Variants in MCM9 observed in about 807,000 individuals in gnomAD.
MCM9 encodes the protein minichromosome maintenance 9 homologous recombination repair factor.
A neutral mutation model predicts 72.8 loss-of-function variants in MCM9; 55 were observed. The observed-to-expected ratio is 0.76, with a 90% CI of 0.61 to 0.95. The LOEUF (loss-of-function observed/expected upper bound fraction) is 0.95, where lower values mean the gene tolerates loss of function less well. Among genes scored for constraint, MCM9 ranks in the 40% least tolerant of loss-of-function variants. The pLI is 0.00. For synonymous variants in MCM9, 480 were observed against 503.4 expected (o/e 0.95, Z 0.62); for missense variants, 1,279 against 1,377.0 (o/e 0.93, Z 1.13).
chr6:118,884,351 A>G (rs1778469373), intron 8 of MCM9, among the ~76,000 whole-genome samples: 1 of 152,184 alleles, frequency 6.6e-6, no homozygotes, highest in South Asian at 2.1e-4. Flanking sequence ...CAGTGAAATA[A>G]AATAAGTCTA....
intron 3 of MCM9, among the ~76,000 whole-genome samples, chr6:118,926,426 A>G (rs754922630): frequency 2.6e-5 from 4 of 152,330 alleles, no homozygotes; most frequent in Middle Eastern, 3.4e-3. Context: ...AAAGTGACAA[A>G]CAGAATAATT....
chr6:118,904,032 T>G (rs1779995001), intron 8 of MCM9, among the ~76,000 whole-genome samples: 1 of 152,202 alleles, frequency 6.6e-6, no homozygotes, highest in African/African-American at 2.4e-5. Flanking sequence ...AACTGAGATT[T>G]TATCCCTTAG....
chr6:118,824,841 G>C (rs1371696934), intron 13 of MCM9, among the ~76,000 whole-genome samples: 3 of 152,088 alleles, frequency 2.0e-5, no homozygotes, highest in African/African-American at 7.2e-5. Flanking sequence ...CATTTGCATA[G>C]TACCTGGTTT....
chr6:118,843,716 A>G (rs1361931945), intron 9 of MCM9, among the ~76,000 whole-genome samples: 8 of 79,690 alleles, frequency 1.0e-4, no homozygotes, highest in East Asian at 8.7e-4. Flanking sequence ...ATGTATATAT[A>G]TATGTATATA....
intron 8 of MCM9, among the ~76,000 whole-genome samples, chr6:118,890,099 C>A (rs1315793445): frequency 6.6e-6 from 1 of 152,174 alleles, no homozygotes; most frequent in Non-Finnish European, 1.5e-5. Flanking sequence ...GAGCCTCCCC[C>A]AGCTTTGCCT....
intron 8 of MCM9, among the ~76,000 whole-genome samples, chr6:118,904,035 T>A (rs1453484624): frequency 6.6e-6 from 1 of 152,196 alleles, no homozygotes; most frequent in African/African-American, 2.4e-5. Flanking sequence ...TGAGATTTTA[T>A]CCCTTAGAAA....
chr6:118,865,908 G>A (rs1227392876), intron 8 of MCM9, among the ~76,000 whole-genome samples: 1 of 152,170 alleles, frequency 6.6e-6, no homozygotes, highest in Admixed American at 6.6e-5. Flanking sequence ...CCCAGGATCT[G>A]AGGGCACAGC....
chr6:118,874,461 A>C (rs1452491808), intron 8 of MCM9, among the ~76,000 whole-genome samples: 4 of 152,192 alleles, frequency 2.6e-5, no homozygotes, highest in Non-Finnish European at 4.4e-5. Flanking sequence ...CTCTCTACAA[A>C]AAATCTGCAG....
At chr6:118,889,949 G>T (rs1014184535) in intron 8 of MCM9, among the ~76,000 whole-genome samples, 1 of 152,204 alleles carries the variant, frequency 6.6e-6, no homozygotes, top group African/African-American at 2.4e-5. Flanking sequence ...CAGAGAAGGG[G>T]AGAGGGTACG....
At chr6:118,893,139 T>C (rs1195652230) in intron 8 of MCM9, among the ~76,000 whole-genome samples, 2 of 152,176 alleles carry the variant, frequency 1.3e-5, no homozygotes, top group African/African-American at 2.4e-5. Flanking sequence ...GGCTCACAAA[T>C]ATGTTAAAGC....
chr6:118,904,735 A>T (rs536399607), intron 8 of MCM9, among the ~76,000 whole-genome samples: 1 of 152,392 alleles, frequency 6.6e-6, no homozygotes, highest in South Asian at 2.1e-4. Flanking sequence ...TGTGGTTTAA[A>T]GAGCATACTA....
chr6:118,895,571 TCAGTCCAAGAATTCTTG>T (rs1399572290), intron 8 of MCM9, among the ~76,000 whole-genome samples: 1 of 152,116 alleles, frequency 6.6e-6, no homozygotes, highest in Non-Finnish European at 1.5e-5. Flanking sequence ...ACTCCTCATG[TCAGTCCAAGAATTCTTG>T]GTATTTTTTC....
chr6:118,863,260 C>G (rs1777012183), intron 8 of MCM9, among the ~76,000 whole-genome samples: 1 of 152,126 alleles, frequency 6.6e-6, no homozygotes, highest in African/African-American at 2.4e-5. Context: ...TAGGAATATT[C>G]TGTCATTACG....
chr6:118,911,050 AAAT>A, intron 8 of MCM9: 1 of 983,676 alleles, frequency 1.0e-6, no homozygotes, highest in Non-Finnish European at 1.2e-6. Context: ...ATATTTTTTA[AAAT>A]AATTTTTTTC....
chr6:118,889,626 TTG>T (rs1778817559), intron 8 of MCM9, among the ~76,000 whole-genome samples: 1 of 152,108 alleles, frequency 6.6e-6, no homozygotes, highest in Non-Finnish European at 1.5e-5. Context: ...TAGAAAGACC[TTG>T]ATTGATAAGA....
intron 8 of MCM9, among the ~76,000 whole-genome samples, chr6:118,871,643 A>G (rs1450821709): frequency 6.6e-6 from 1 of 152,216 alleles, no homozygotes; most frequent in African/African-American, 2.4e-5. Context: ...AAGGCCAGGC[A>G]CGGTGGCTCA....
intron 9 of MCM9, among the ~76,000 whole-genome samples, chr6:118,853,676 G>A (rs794868): frequency 0.058 from 8,780 of 152,152 alleles, 368 homozygotes; most frequent in East Asian, 0.19. Context: ...ATAGTGGTGC[G>A]TCCCCGTAAG....
rs1197440839 is a variant in MCM9 at position 118,829,161 on chromosome 6, T to G, written c.1415A>C (p.Asn472Thr). ...TAAGAGTGGGCTGCCGAGGGCAATG[T>G]TCACAGACACGGACTCCTGGGGGTC... ...QYDPQESVSV[N>T]IALGSPLLSR... Residue 472 changes from asparagine to threonine, a missense_variant, in exon 10 of 14, where the codon AAC (asparagine) becomes ACC (threonine). Transcript: ENST00000619706. The G allele has an allele frequency of 1.9e-6, 3 of 1,550,450 alleles. No individual in the cohort carries two copies. The highest frequency in any genetic ancestry group is 2.6e-6 in the Non-Finnish European group (3 of 1,147,000).
chr6:118,905,851 T>A (rs1780143204), intron 8 of MCM9: 1 of 1,525,692 alleles, frequency 6.6e-7, no homozygotes, highest in African/African-American at 1.4e-5. Flanking sequence ...CTATTCCTTT[T>A]TAACTACTTT....
Sources: gnomAD v4.1 joint callset for allele counts (sites outside exome capture counted in the v4.1 genomes callset) on GRCh38, gnomAD v4.1.1 for gene constraint, MANE v1.5 for transcripts, NCBI Gene and HGNC (gene_info 2026-07-23, HGNC 2026-07-21) for gene names.